FRMD3: variants seen among roughly 807,000 people sequenced by gnomAD.
FRMD3 encodes FERM domain-containing protein 3.
In FRMD3, 33 loss-of-function variants were observed where a neutral mutation model predicts 70.2. That is an observed-to-expected ratio of 0.47 (90% confidence interval 0.36 to 0.63). FRMD3 has a LOEUF of 0.63. Ranked by LOEUF, FRMD3 falls within the 20% of genes least tolerant of loss-of-function variation. The probability of loss-of-function intolerance (pLI) is 0.00; values close to 1 mark genes in which losing one functional copy is unlikely to be tolerated. For missense variants in FRMD3, 632 were observed against 711.4 expected (o/e 0.89, Z 1.27); for synonymous variants, 279 against 255.9 (o/e 1.09, Z -0.86).
chr9:83,327,897 A>G (rs936619784), intron 6 of FRMD3, among the ~76,000 whole-genome samples: 5 of 152,130 alleles, frequency 3.3e-5, no homozygotes, highest in African/African-American at 9.7e-5. Context: ...GTCATTTCCA[A>G]TCTTTCACTT....
chr9:83,492,081 A>G (rs978040823), intron 1 of FRMD3, among the ~76,000 whole-genome samples: 8 of 152,202 alleles, frequency 5.3e-5, no homozygotes, highest in African/African-American at 1.7e-4. Context: ...CTGGGCCCCC[A>G]AGGGAAAAAG....
intron 13 of FRMD3, among the ~76,000 whole-genome samples, chr9:83,258,959 T>TA (rs1408157869): frequency 3.3e-5 from 5 of 152,004 alleles, no homozygotes; most frequent in Non-Finnish European, 7.3e-5. Flanking sequence ...GAATGCCCAT[T>TA]AAAACAACTA....
chr9:83,259,909 A>C (rs1399786638), intron 13 of FRMD3, among the ~76,000 whole-genome samples: 4 of 152,136 alleles, frequency 2.6e-5, no homozygotes, highest in Non-Finnish European at 5.9e-5. Flanking sequence ...GTGGGAGAGG[A>C]AAAAAGAGCA....
At chr9:83,443,529 C>G (rs1319782100) in intron 1 of FRMD3, among the ~76,000 whole-genome samples, 3 of 152,146 alleles carry the variant, frequency 2.0e-5, no homozygotes, top group African/African-American at 7.2e-5. Context: ...TTTTCTTAAT[C>G]CAGTCTGTCA....
intron 1 of FRMD3, among the ~76,000 whole-genome samples, chr9:83,496,971 G>A (rs951396128): frequency 7.9e-5 from 12 of 152,006 alleles, no homozygotes; most frequent in East Asian, 3.9e-4. Context: ...AAAATTAGCC[G>A]GGTGTGGTGG....
the FRMD3 span, among the ~76,000 whole-genome samples, chr9:83,559,911 T>G: frequency 1.3e-5 from 2 of 152,054 alleles, no homozygotes. Context: ...TCTTATATTT[T>G]ATCTATCTTA....
intron 1 of FRMD3, among the ~76,000 whole-genome samples, chr9:83,535,228 C>T (rs1278714733): frequency 1.3e-5 from 2 of 152,148 alleles, no homozygotes; most frequent in African/African-American, 4.8e-5. Context: ...AGAAATGGCA[C>T]CTAGAGCTAT....
chr9:83,554,561 G>C, the FRMD3 span, among the ~76,000 whole-genome samples: 8 of 152,348 alleles, frequency 5.3e-5, no homozygotes, highest in African/African-American at 1.9e-4. Flanking sequence ...AGCCATGGAG[G>C]GTGTGTGGGA....
At chr9:83,513,180 C>T (rs113153734) in intron 1 of FRMD3, among the ~76,000 whole-genome samples, 217 of 152,318 alleles carry the variant, frequency 1.4e-3, no homozygotes, top group Non-Finnish European at 2.4e-3. Flanking sequence ...AAGTGTGAGC[C>T]AACCTAGCCC....
intron 1 of FRMD3, among the ~76,000 whole-genome samples, chr9:83,414,588 G>A (rs555616108): frequency 9.4e-4 from 143 of 152,264 alleles, no homozygotes; most frequent in African/African-American, 3.2e-3. Flanking sequence ...ACTTTTATCT[G>A]ACAAAAGACT....
chr9:83,508,156 A>C (rs1829247610), intron 1 of FRMD3, among the ~76,000 whole-genome samples: 1 of 152,322 alleles, frequency 6.6e-6, no homozygotes, highest in South Asian at 2.1e-4. Context: ...ATGTGAGAAG[A>C]CAGAAAGGCA....
intron 2 of FRMD3, among the ~76,000 whole-genome samples, chr9:83,378,764 T>C (rs1489989874): frequency 2.7e-5 from 3 of 112,018 alleles, no homozygotes; most frequent in Admixed American, 2.1e-4. Context: ...ATATAATTTA[T>C]ATTATATATA....
chr9:83,427,794 A>C (rs1170990405), intron 1 of FRMD3, among the ~76,000 whole-genome samples: 1 of 152,212 alleles, frequency 6.6e-6, no homozygotes, highest in African/African-American at 2.4e-5. Flanking sequence ...AAGGCCAGCA[A>C]GCATATGAAA....
At chr9:83,410,539 C>T (rs1013532431) in intron 1 of FRMD3, among the ~76,000 whole-genome samples, 2 of 152,186 alleles carry the variant, frequency 1.3e-5, no homozygotes, top group Non-Finnish European at 2.9e-5. Flanking sequence ...TCTTTATCCG[C>T]TCCACCACTG....
At chr9:83,557,388 T>C in the FRMD3 span, among the ~76,000 whole-genome samples, 1 of 152,228 alleles carries the variant, frequency 6.6e-6, no homozygotes, top group Non-Finnish European at 1.5e-5. Flanking sequence ...TACAAAGTTA[T>C]GAAAAAAAAT....
intron 3 of FRMD3, among the ~76,000 whole-genome samples, chr9:83,360,959 T>C (rs764329490): frequency 2.0e-5 from 3 of 152,212 alleles, no homozygotes; most frequent in Non-Finnish European, 4.4e-5. Flanking sequence ...GGATCAAATA[T>C]AAAAATTTTG....
At chr9:83,254,784 G>T (rs1832618032) in intron 13 of FRMD3, among the ~76,000 whole-genome samples, 1 of 152,092 alleles carries the variant, frequency 6.6e-6, no homozygotes, top group Non-Finnish European at 1.5e-5. Context: ...TAGAAGAAAT[G>T]GATAAATTCC....
At chr9:83,507,298 C>A (rs1202075259) in intron 1 of FRMD3, among the ~76,000 whole-genome samples, 1 of 139,954 alleles carries the variant, frequency 7.1e-6, no homozygotes, top group Non-Finnish European at 1.5e-5. Flanking sequence ...ACCTGGGAGG[C>A]AGAGGTTTCA....
chr9:83,450,245 A>G (rs147950267), intron 1 of FRMD3, among the ~76,000 whole-genome samples: 1,774 of 151,588 alleles, frequency 0.012, 48 homozygotes, highest in African/African-American at 0.041. Context: ...ACACACACAC[A>G]TGCAGTTCCA....
Sources: allele counts gnomAD v4.1 joint callset (sites outside exome capture counted in the v4.1 genomes callset), GRCh38; gene constraint gnomAD v4.1.1; transcripts MANE v1.5; gene names NCBI Gene and HGNC (gene_info 2026-07-23, HGNC 2026-07-21).